Variants in EML6 observed in about 807,000 individuals in gnomAD.
EML6 encodes echinoderm microtubule-associated protein-like 6.
In EML6, 154 loss-of-function variants were observed where a neutral mutation model predicts 240.1. The ratio of observed to expected loss-of-function variants is 0.64; its 90% CI spans 0.56 to 0.73. The LOEUF (loss-of-function observed/expected upper bound fraction) is 0.73. EML6 is among the 30% of genes least tolerant of loss of function. The pLI is 0.00. For missense variants in EML6, 2,964 were observed against 2,474.6 expected (o/e 1.20, Z -4.20); for synonymous variants, 1,148 against 899.0 (o/e 1.28, Z -4.95).
intron 2 of EML6, among the ~76,000 whole-genome samples, chr2:54,755,530 A>G (rs940645835): frequency 2.6e-5 from 4 of 152,238 alleles, no homozygotes; most frequent in Non-Finnish European, 5.9e-5. Context: ...GTAATGGTTT[A>G]TAATTTTCTG....
chr2:54,754,611 T>C (rs944360875), intron 2 of EML6, among the ~76,000 whole-genome samples: 6 of 152,240 alleles, frequency 3.9e-5, no homozygotes. Context: ...ATATTTCAAA[T>C]ATCTTCTCCC....
At chr2:54,863,969 G>A (rs758175832) in intron 13 of EML6, 80 bp downstream of exon 13, 14 of 730,602 alleles carry the variant, frequency 1.9e-5, no homozygotes, top group Admixed American at 3.2e-5. Flanking sequence ...CACTAAAAAT[G>A]ACTGGCACTT....
Position 54,823,821 on chromosome 2 carries a change from C to A in EML6, c.525+3359C>A, listed in dbSNP as rs553179786. On this transcript the variant is annotated intron_variant, in intron 5 of 41. Transcript: ENST00000356458. ...GACTCTGGGCAACCATTTAATCTCC[C>A]TGAGGCTGAATTAATATTCATTCAT... Among the ~76,000 whole-genome samples, 9 of 138,016 alleles carry A rather than the reference C, an allele frequency of 6.5e-5. No homozygotes were observed. In the South Asian group the frequency reaches 2.2e-3, roughly 33 times the overall value. 90.5% of individuals were successfully genotyped at this position (138,016 alleles called of 152,430 possible).
At chr2:54,938,754 G>A (rs1213986323) in intron 28 of EML6, among the ~76,000 whole-genome samples, 1 of 152,204 alleles carries the variant, frequency 6.6e-6, no homozygotes, top group South Asian at 2.1e-4. Flanking sequence ...TCTTCTGGCT[G>A]CACCTGTTCG....
At chr2:54,896,557 A>C (rs774331983) in intron 21 of EML6, among the ~76,000 whole-genome samples, 6 of 152,154 alleles carry the variant, frequency 3.9e-5, no homozygotes, top group Non-Finnish European at 7.4e-5. Flanking sequence ...ATAAGACCAT[A>C]TTTAGGTGGA....
At chr2:54,964,795 C>G in intron 38 of EML6, 62 bp downstream of exon 38, 1 of 1,473,760 alleles carries the variant, frequency 6.8e-7, no homozygotes, top group Non-Finnish European at 9.2e-7. Flanking sequence ...TAACAATGGC[C>G]TATATTAATC....
chr2:54,805,986 AT>A, intron 2 of EML6, among the ~76,000 whole-genome samples: 1 of 152,118 alleles, frequency 6.6e-6, no homozygotes, highest in Non-Finnish European at 1.5e-5. Flanking sequence ...TATGGATTCA[AT>A]TCTATACCAT....
intron 11 of EML6, among the ~76,000 whole-genome samples, chr2:54,858,667 A>G (rs1271064952): frequency 6.6e-6 from 1 of 152,242 alleles, no homozygotes; most frequent in Non-Finnish European, 1.5e-5. Flanking sequence ...AATGAGGCTT[A>G]TCTGGTCAGA....
At chr2:54,905,935 C>T (rs1382035566) in intron 24 of EML6, among the ~76,000 whole-genome samples, 4 of 152,124 alleles carry the variant, frequency 2.6e-5, no homozygotes, top group African/African-American at 7.2e-5. Context: ...TGTTGAGGGG[C>T]ACCTGTGTGG....
At chr2:54,818,902 A>G (rs1245126493) in intron 4 of EML6, among the ~76,000 whole-genome samples, 1 of 152,218 alleles carries the variant, frequency 6.6e-6, no homozygotes, top group East Asian at 1.9e-4. Context: ...CTTCAAGATT[A>G]TCCTCAAGAT....
At chr2:54,790,810 C>T (rs1212571760) in intron 2 of EML6, among the ~76,000 whole-genome samples, 2 of 150,108 alleles carry the variant, frequency 1.3e-5, no homozygotes, top group African/African-American at 4.9e-5. Flanking sequence ...ACTGCAAGCT[C>T]CGCCTCCCAG....
At chr2:54,950,507 A>T in intron 29 of EML6, 143 bp from the exon 30 acceptor site, 1 of 890,904 alleles carries the variant, frequency 1.1e-6, no homozygotes, top group Non-Finnish European at 1.6e-6. Context: ...GTCAAGAAGC[A>T]AAATGTTTTC....
chr2:54,964,833 GCTAA>G (rs1676678766), intron 38 of EML6, 100 bp downstream of exon 38: 1 of 1,097,132 alleles, frequency 9.1e-7, no homozygotes, highest in Non-Finnish European at 1.3e-6. Flanking sequence ...CAGGCAATGT[GCTAA>G]CTCACTCTTC....
intron 16 of EML6, among the ~76,000 whole-genome samples, chr2:54,875,339 G>A (rs1188164521): frequency 6.6e-6 from 1 of 152,194 alleles, no homozygotes; most frequent in Non-Finnish European, 1.5e-5. Flanking sequence ...AGGAGACTAC[G>A]TAGACCTCCT....
At chr2:54,817,311 A>C (rs1250847240) in intron 4 of EML6, among the ~76,000 whole-genome samples, 2 of 152,222 alleles carry the variant, frequency 1.3e-5, no homozygotes, top group Non-Finnish European at 2.9e-5. Context: ...GAGAACATAG[A>C]ATGTGACCTG....
intron 2 of EML6, among the ~76,000 whole-genome samples, chr2:54,798,904 C>T (rs1229368045): frequency 6.6e-6 from 1 of 152,194 alleles, no homozygotes; most frequent in Non-Finnish European, 1.5e-5. Flanking sequence ...TTTTAGCTTA[C>T]AGGTGTTTCA....
At chr2:54,797,169 A>AAAAAAAAAAAAAAAAAAAAC (rs1669842739) in intron 2 of EML6, among the ~76,000 whole-genome samples, 6 of 133,520 alleles carry the variant, frequency 4.5e-5, no homozygotes, top group Non-Finnish European at 6.6e-5. Context: ...CATCTCAAAA[A>AAAAAAAAAAAAAAAAAAAAC]AAAAAAAAAA....
In EML6 at chr2:54,823,770, T is replaced by C. The variant is rs181282734; in HGVS notation, c.525+3308T>C. On this transcript the variant is annotated intron_variant, in intron 5 of 41. Transcript: ENST00000356458. ...AGGGGGTTAGGTGGGAATCTGACTT[T>C]GATTTGTGATTGTTTCCCTCTGCTT... Among the ~76,000 whole-genome samples, 26 of 152,086 alleles carry C rather than the reference T, an allele frequency of 1.7e-4. No individual in the cohort carries two copies. The East Asian group carries it at 4.7e-3, about 27-fold the overall frequency.
intron 11 of EML6, among the ~76,000 whole-genome samples, chr2:54,856,028 C>A (rs543342147): frequency 1.5e-4 from 23 of 152,308 alleles, no homozygotes; most frequent in Non-Finnish European, 1.5e-4. Context: ...TAAAAACTCA[C>A]AACCAAGTTA....
Sources: gnomAD v4.1 joint callset for allele counts (sites outside exome capture counted in the v4.1 genomes callset) on GRCh38, gnomAD v4.1.1 for gene constraint, MANE v1.5 for transcripts, NCBI Gene and HGNC (gene_info 2026-07-23, HGNC 2026-07-21) for gene names.